Variants in PCDHGA5 observed in about 807,000 individuals in gnomAD.
The protein encoded by PCDHGA5 is protocadherin gamma subfamily A, 5, also known as protocadherin gamma-A5.
Under a neutral mutation model 56.7 loss-of-function variants are expected in PCDHGA5, and 36 were observed. The observed-to-expected ratio is 0.64, with a 90% CI of 0.49 to 0.84. The LOEUF is 0.84. Ranked by LOEUF, PCDHGA5 falls within the 40% of genes least tolerant of loss-of-function variation. PCDHGA5 has a pLI of 0.00. For synonymous variants in PCDHGA5, 563 were observed against 520.2 expected (o/e 1.08, Z -1.12); for missense variants, 1,305 against 1,201.5 (o/e 1.09, Z -1.27).
Position 141,489,712 on chromosome 5 carries a change from C to G in PCDHGA5, c.2422-5095C>G. On this transcript the variant is annotated intron_variant, in intron 1 of 3. Transcript: ENST00000518069. The surrounding 1 kb of genome is among the most constrained non-coding windows in gnomAD (Gnocchi z 4.5). ...GGCACGATTCCCACTGGACAGTGCC[C>G]AGGATCCGGATGTGGGCACCAATAC... The G allele has an allele frequency of 6.2e-7, 1 of 1,614,162 alleles. No individual in the cohort carries two copies. Among genetic ancestry groups the G allele is most frequent in the South Asian group, 1.1e-5 (1 of 91,078 alleles).
In PCDHGA5 at chr5:141,485,124, C is replaced by A; in HGVS notation, c.2422-9683C>A. ...GCTGCTGTGGCTGTTTGGGGCGGGT[C>A]GGCTTCATCCGCGTCTCAGGAGCAA... is the stretch of plus-strand genomic sequence containing the variant. On this transcript the variant is annotated intron_variant, in intron 1 of 3. Transcript: ENST00000518069. The surrounding 1 kb of genome is among the most constrained non-coding windows in gnomAD (Gnocchi z 5.7). 2 of 1,390,136 alleles carry A rather than the reference C, an allele frequency of 1.4e-6. No homozygotes were observed. The highest frequency in any genetic ancestry group is 2.5e-5 in the South Asian group (2 of 80,180). 86.1% of individuals were successfully genotyped at this position (1,390,136 alleles called of 1,614,324 possible). A position where few individuals can be genotyped will look rare whatever the true frequency, so the allele number is the denominator to read the frequency against.
Position 141,421,845 on chromosome 5 carries a change from G to C in PCDHGA5, c.2421+55094G>C, listed in dbSNP as rs369443134. On this transcript the variant is annotated intron_variant, in intron 1 of 3. Transcript: ENST00000518069. ...AGGGAAGCCTGGACCGAGAGAAAGA[G>C]GCTGCTCACCTGCTCCTCCTCACAG... The C allele has an allele frequency of 1.1e-5, 18 of 1,613,638 alleles. No homozygotes were observed. The African/African-American group carries it at 2.1e-4, about 19-fold the overall frequency.
At position 141,365,595 on chromosome 5, in the gene PCDHGA5, T is replaced by A. The variant is rs746207657; in HGVS notation, c.1265T>A (p.Leu422Ter). Reference protein sequence around the residue: ...REETSDYNITLTVMDHGTPPL... With the variant: ...REETSDYNIT The stretch of plus-strand genomic sequence containing the variant: ...GAGACTTCAGATTATAATATCACTT[T>A]AACCGTCATGGACCATGGAACCCCG... The change falls in exon 1 of 4, where the codon TTA becomes TAA. Residue 422 changes from leucine to a stop codon, truncating the protein, a stop_gained. Transcript: ENST00000518069. LOFTEE classifies it high-confidence loss of function. 1.9e-6 allele frequency: 3 copies of A among 1,613,672 alleles called. No homozygotes were observed. In the South Asian group the frequency reaches 3.3e-5, roughly 18 times the overall value.
intron 1 of PCDHGA5, chr5:141,440,160 G>A (rs568136682): frequency 6.6e-6 from 1 of 152,324 alleles, no homozygotes; most frequent in East Asian, 1.9e-4. Flanking sequence ...ATTATAGCTT[G>A]GGCCATAACG....
intron 1 of PCDHGA5, chr5:141,433,086 C>A (rs747501244): frequency 1.9e-6 from 3 of 1,614,208 alleles, no homozygotes; most frequent in African/African-American, 2.7e-5. Context: ...CCCAACTATG[C>A]AGACATGCTC....
At chr5:141,408,910 T>A in intron 1 of PCDHGA5, 1 of 1,613,256 alleles carries the variant, frequency 6.2e-7, no homozygotes, top group Non-Finnish European at 8.5e-7. Flanking sequence ...AGGATACCAA[T>A]GATAACCCCC....
Position 141,375,142 on chromosome 5 carries a change from C to A in PCDHGA5, c.2421+8391C>A, listed in dbSNP as rs772426422. The A allele has an allele frequency of 5.0e-6, 8 of 1,613,910 alleles. No homozygotes were observed. The Admixed American group carries it at 1.3e-4, about 27-fold the overall frequency. ...CAGAAGTGGTTGTTACATCTGGAAG[C>A]AGAACAATTGCTGAAAGTGCACCTC... On this transcript the variant is annotated intron_variant, in intron 1 of 3. Transcript: ENST00000518069.
chr5:141,387,492 G>C (rs779250536), intron 1 of PCDHGA5, among the ~76,000 whole-genome samples: 1 of 152,220 alleles, frequency 6.6e-6, no homozygotes, highest in Non-Finnish European at 1.5e-5. Flanking sequence ...GCATTCCTAA[G>C]AGTACATTTT....
chr5:141,403,856 T>A, intron 1 of PCDHGA5: 1 of 1,613,604 alleles, frequency 6.2e-7, no homozygotes, highest in Non-Finnish European at 8.5e-7. Context: ...TGGGGAAATA[T>A]CAACAGCAAA....
In PCDHGA5 at chr5:141,477,500, T is replaced by C. The variant is rs757547508; in HGVS notation, c.2422-17307T>C. The C allele has an allele frequency of 3.1e-6, 5 of 1,614,156 alleles. No homozygotes were observed. Among genetic ancestry groups the C allele is most frequent in the Non-Finnish European group, 4.2e-6 (5 of 1,180,026 alleles). ...CCCTCCACAATCTTCTCAATCTTCC[T>C]ACGACGTTTACATTGAAGAAAACAA... On this transcript the variant is annotated intron_variant, in intron 1 of 3. Coordinates refer to ENST00000518069, the MANE Select transcript of PCDHGA5 (RefSeq NM_018918.3). This position sits in a 1 kb window ranked among gnomAD's most constrained non-coding sequence, Gnocchi z 4.9.
chr5:141,421,997 G>A, intron 1 of PCDHGA5: 1 of 1,609,178 alleles, frequency 6.2e-7, no homozygotes. Flanking sequence ...GAAAACATCA[G>A]CTCCGGAACT....
chr5:141,430,763 A>C, intron 1 of PCDHGA5: 1 of 1,506,248 alleles, frequency 6.6e-7, no homozygotes, highest in Non-Finnish European at 8.9e-7. Flanking sequence ...GATAAGAATG[A>C]TTCCTGCGCG....
rs139867523 is a variant in PCDHGA5, at chr5:141,474,274, G to A, written c.2422-20533G>A. 1.2e-4 allele frequency among the ~76,000 whole-genome samples: 19 copies of A among 152,278 alleles called. No homozygotes were observed. In the East Asian group the frequency reaches 3.3e-3, roughly 26 times the overall value. On this transcript the variant is annotated intron_variant, in intron 1 of 3. Coordinates refer to ENST00000518069, the MANE Select transcript of PCDHGA5 (RefSeq NM_018918.3). ...AAGACTGATAAACCAGTGTATCTCT[G>A]AATAACCCACTAGATCAGTGCTTGT...
intron 1 of PCDHGA5, chr5:141,422,778 C>T (rs1041081332): frequency 1.9e-6 from 3 of 1,613,932 alleles, no homozygotes; most frequent in Admixed American, 1.7e-5. Flanking sequence ...TTCTCTATGC[C>T]CTACAATCCT....
At chr5:141,415,422 G>A (rs769839324) in intron 1 of PCDHGA5, 3 of 1,614,204 alleles carry the variant, frequency 1.9e-6, no homozygotes, top group East Asian at 2.2e-5. Context: ...GCGTGGACGG[G>A]GTTCGGGCTT....
At chr5:141,423,256 G>A (rs751894091) in intron 1 of PCDHGA5, 3 of 1,613,816 alleles carry the variant, frequency 1.9e-6, no homozygotes, top group South Asian at 2.2e-5. Context: ...GGCGGACCTC[G>A]GCAGCCTCGA....
At chr5:141,418,665 A>T in intron 1 of PCDHGA5, 1 of 1,614,070 alleles carries the variant, frequency 6.2e-7, no homozygotes, top group Non-Finnish European at 8.5e-7. Context: ...GCCACTGACC[A>T]GGACGAGGGC....
At chr5:141,393,435 C>T in intron 1 of PCDHGA5, 1 of 1,614,014 alleles carries the variant, frequency 6.2e-7, no homozygotes. Context: ...AGAGGCTGCT[C>T]ACCACCTGGT....
intron 1 of PCDHGA5, chr5:141,421,232 C>T (rs748347420): frequency 2.5e-6 from 4 of 1,590,252 alleles, no homozygotes; most frequent in African/African-American, 2.7e-5. Flanking sequence ...CCTGCCATGG[C>T]GAATCGGCTA....
Sources: gnomAD v4.1 joint callset for allele counts (sites outside exome capture counted in the v4.1 genomes callset) on GRCh38, gnomAD v4.1.1 for gene constraint, Gnocchi (gnomAD v3.1) non-coding constraint, MANE v1.5 for transcripts, NCBI Gene and HGNC (gene_info 2026-07-23, HGNC 2026-07-21) for gene names.